PHF14: variants seen among roughly 807,000 people sequenced by gnomAD.
PHF14 encodes the protein PHD finger protein 14.
In PHF14, 55 loss-of-function variants were observed where a neutral mutation model predicts 117.9. The observed-to-expected ratio is 0.47, with a 90% CI of 0.38 to 0.58. PHF14 has a LOEUF of 0.58. Ranked by LOEUF, PHF14 falls within the 20% of genes least tolerant of loss-of-function variation. The pLI, the probability that PHF14 is intolerant of heterozygous loss-of-function variation, is 0.00. For synonymous variants in PHF14, 409 were observed against 368.6 expected (o/e 1.11, Z -1.26); for missense variants, 978 against 1,122.2 (o/e 0.87, Z 1.84).
chr7:11,073,766 C>T (rs1785714881), intron 16 of PHF14, among the ~76,000 whole-genome samples: 1 of 152,204 alleles, frequency 6.6e-6, no homozygotes, highest in South Asian at 2.1e-4. Context: ...TGCCTGGACA[C>T]CTGGGTTCCT....
chr7:11,035,515 A>G (rs1052083714), intron 7 of PHF14, 125 bp from the exon 8 acceptor site: 8 of 506,540 alleles, frequency 1.6e-5, no homozygotes, highest in African/African-American at 3.9e-5. Context: ...TTATTTTTGT[A>G]ATTTATTAGA....
chr7:11,011,182 TGTTGGTA>T lies in PHF14; in HGVS notation c.1046-2564_1046-2558del, dbSNP rs1783343883. ...CATATAATGACGTCTAGTTAATTAA[TGTTGGTA>T]ATTTAAAATTATTTACTAATTGTAT... is the stretch of plus-strand genomic sequence containing the variant. On this transcript the variant is annotated intron_variant, in intron 4 of 17. Coordinates refer to ENST00000634607, the MANE Select transcript of PHF14 (RefSeq NM_001007157.2). Among the ~76,000 whole-genome samples the T allele has an allele frequency of 2.0e-5, 3 of 152,348 alleles. No homozygotes were observed. In the South Asian group the frequency reaches 6.2e-4, roughly 32 times the overall value.
At chr7:10,975,372 G>C (rs1171386986) in intron 2 of PHF14, among the ~76,000 whole-genome samples, 1 of 152,064 alleles carries the variant, frequency 6.6e-6, no homozygotes, top group Non-Finnish European at 1.5e-5. Flanking sequence ...TTGTGTATTA[G>C]CTCTTTTACT....
chr7:11,101,277 A>G (rs945364792), intron 16 of PHF14, among the ~76,000 whole-genome samples: 1 of 151,916 alleles, frequency 6.6e-6, no homozygotes, highest in Non-Finnish European at 1.5e-5. Context: ...ATACAAATAC[A>G]TATTTTCAGT....
chr7:11,049,948 T>C (rs1457002540), intron 13 of PHF14, among the ~76,000 whole-genome samples: 1 of 152,222 alleles, frequency 6.6e-6, no homozygotes, highest in Admixed American at 6.5e-5. Context: ...TACATGATTA[T>C]GTACATTTTT....
At chr7:11,000,334 C>CTTTTTTTTTTTTTTTTTTTTTTTTTTTT (rs71023882) in intron 4 of PHF14, among the ~76,000 whole-genome samples, 1 of 60,348 alleles carries the variant, frequency 1.7e-5, no homozygotes, top group Non-Finnish European at 3.0e-5. Flanking sequence ...GCTTATTTGC[C>CTTTTTTTTTTTTTTTTTTTTTTTTTTTT]TTTTTTTTTT....
At chr7:11,110,570 A>T in intron 16 of PHF14, 1 of 961,372 alleles carries the variant, frequency 1.0e-6, no homozygotes, top group East Asian at 1.1e-4. Flanking sequence ...GTTTTCTTAG[A>T]TTTTGCACAT....
chr7:11,164,502 T>C (rs1175427562), intron 17 of PHF14, among the ~76,000 whole-genome samples: 2 of 152,248 alleles, frequency 1.3e-5, no homozygotes, highest in African/African-American at 4.8e-5. Flanking sequence ...TATTTCAGTG[T>C]AGAGGCTACA....
At position 11,036,570 on chromosome 7, in the gene PHF14, C is replaced by T. The variant is rs1262832878; in HGVS notation, c.1755C>T (p.Leu585=). 6.2e-7 allele frequency: 1 copy of T among 1,613,888 alleles called. No individual in the cohort carries two copies. ...AIRKLMRKAE[L]MGISTDIFPV... is the part of the protein sequence containing the mutation. ...GTAAACTTATGCGGAAAGCAGAACTCATGGGGATCAGTACAGATATCTTTC... is the reference window on the plus strand; with the variant it reads ...GTAAACTTATGCGGAAAGCAGAACTTATGGGGATCAGTACAGATATCTTTC... Residue 585 remains leucine (L), a synonymous_variant, in exon 9 of 18, where the codon CTC becomes CTT. Transcript: ENST00000634607.
chr7:10,976,085 C>T (rs1385001900), intron 2 of PHF14, among the ~76,000 whole-genome samples: 1 of 152,172 alleles, frequency 6.6e-6, no homozygotes, highest in Non-Finnish European at 1.5e-5. Context: ...TGAGGTCACT[C>T]AGGCAGTAAC....
intron 16 of PHF14, among the ~76,000 whole-genome samples, chr7:11,076,492 T>C (rs1482588794): frequency 6.6e-6 from 1 of 152,052 alleles, no homozygotes; most frequent in Non-Finnish European, 1.5e-5. Context: ...TATTTTATTT[T>C]GAATGAAGAC....
chr7:11,050,890 TTAAG>T (rs1480476664), intron 13 of PHF14, among the ~76,000 whole-genome samples: 1 of 152,188 alleles, frequency 6.6e-6, no homozygotes, highest in Non-Finnish European at 1.5e-5. Flanking sequence ...TATAGTTTCT[TTAAG>T]TAGTATATTC....
rs776507934 is a variant in PHF14, at chr7:10,982,532, A to T, written c.273A>T (p.Ser91=). The change falls in exon 3 of 18, where the codon TCA becomes TCT. Residue 91 remains serine (S), a synonymous_variant. Coordinates refer to ENST00000634607, the MANE Select transcript of PHF14 (RefSeq NM_001007157.2). The part of the protein sequence containing the change: ...LKNSAEEEVL[S]SEKQLIKMEK... ...ATTCTGCAGAGGAAGAAGTACTATC[A>T]TCAGAAAAACAATTAATTAAAATGG... The T allele has an allele frequency of 6.5e-7, 1 of 1,529,532 alleles. No individual in the cohort carries two copies. Among genetic ancestry groups the T allele is most frequent in the Non-Finnish European group, 8.9e-7 (1 of 1,123,204 alleles). The allele number at this position is 1,529,532 out of a possible 1,614,324, so 94.7% of individuals were successfully genotyped here. A position where few individuals can be genotyped will look rare whatever the true frequency, so the allele number is the denominator to read the frequency against.
intron 4 of PHF14, among the ~76,000 whole-genome samples, chr7:11,003,778 A>G (rs1000059116): frequency 1.3e-5 from 2 of 152,340 alleles, no homozygotes; most frequent in African/African-American, 4.8e-5. Context: ...GTAGATATGT[A>G]AAAATAGTTA....
intron 16 of PHF14, among the ~76,000 whole-genome samples, chr7:11,070,263 A>G (rs1413730013): frequency 6.6e-6 from 1 of 152,158 alleles, no homozygotes; most frequent in African/African-American, 2.4e-5. Flanking sequence ...TCGTTTGTAG[A>G]AATGGGGTCT....
chr7:11,117,137 G>A (rs1222398559), intron 17 of PHF14, among the ~76,000 whole-genome samples: 1 of 151,768 alleles, frequency 6.6e-6, no homozygotes, highest in African/African-American at 2.4e-5. Context: ...ATTCACAGAC[G>A]CCACTGAGGA....
intron 16 of PHF14, among the ~76,000 whole-genome samples, chr7:11,069,661 C>T (rs1376574719): frequency 1.0e-4 from 14 of 137,942 alleles, no homozygotes; most frequent in Admixed American, 2.2e-4. Flanking sequence ...TCTCCCCTCC[C>T]TTTCCGTCCC....
In PHF14 at chr7:11,046,694, A is replaced by G. The variant is rs192059393; in HGVS notation, c.2312+3880A>G. On this transcript the variant is annotated intron_variant, in intron 13 of 17. Coordinates refer to ENST00000634607, the MANE Select transcript of PHF14 (RefSeq NM_001007157.2). ...GAATAAAATTTACAAGTTGAGTTAA[A>G]TGTTGTTTTCTGCCCTTCAAAGAGA... 5.9e-4 allele frequency among the ~76,000 whole-genome samples: 90 copies of G among 152,312 alleles called. 1 individual carries two copies. In the Middle Eastern group the frequency reaches 0.02, roughly 35 times the overall value.
intron 11 of PHF14, among the ~76,000 whole-genome samples, chr7:11,039,736 T>C (rs1226959946): frequency 6.6e-6 from 1 of 152,206 alleles, no homozygotes; most frequent in Admixed American, 6.5e-5. Context: ...CTATACCAGC[T>C]TTGAAGATGC....
Sources: gnomAD v4.1 joint callset for allele counts (sites outside exome capture counted in the v4.1 genomes callset) on GRCh38, gnomAD v4.1.1 for gene constraint, MANE v1.5 for transcripts, NCBI Gene and HGNC (gene_info 2026-07-23, HGNC 2026-07-21) for gene names.